Variants in SLC6A15 observed in about 807,000 individuals in gnomAD.
SLC6A15 encodes solute carrier family 6 member 15.
In SLC6A15, 33 loss-of-function variants were observed where a neutral mutation model predicts 68.5. The observed-to-expected ratio is 0.48, with a 90% CI of 0.37 to 0.64. The LOEUF (loss-of-function observed/expected upper bound fraction) is 0.64. Ranked by LOEUF, SLC6A15 falls within the 30% of genes least tolerant of loss-of-function variation. The pLI is 0.00. For missense variants in SLC6A15, 747 were observed against 874.3 expected (o/e 0.85, Z 1.84); for synonymous variants, 347 against 301.0 (o/e 1.15, Z -1.58).
rs183435980 is a variant in SLC6A15, at chr12:84,882,148, A to T, written c.756+1711T>A. 2.5e-5 allele frequency: 25 copies of T among 985,444 alleles called. 1 individual carries two copies. The Admixed American group carries it at 1.2e-3, about 46-fold the overall frequency. 61.0% of individuals were successfully genotyped at this position (985,444 alleles called of 1,614,324 possible). On this transcript the variant is annotated intron_variant, in intron 5 of 11. Transcript: ENST00000266682. ...AGAAGAAACAGAAACAAAACGTGGT[A>T]GTAAGAGAACCTGAGTACAAGAGTT...
At chr12:84,868,030 G>A (rs1394738625) in intron 9 of SLC6A15, among the ~76,000 whole-genome samples, 3 of 152,084 alleles carry the variant, frequency 2.0e-5, no homozygotes, top group Non-Finnish European at 2.9e-5. Context: ...CCACATTTCG[G>A]CAGAGGTGAG....
intron 10 of SLC6A15, among the ~76,000 whole-genome samples, chr12:84,865,635 C>T (rs1422832716): frequency 6.6e-6 from 1 of 152,176 alleles, no homozygotes; most frequent in South Asian, 2.1e-4. Flanking sequence ...TCTGGCCCAA[C>T]CCCTGTTAAC....
chr12:84,896,135 C>G (rs1161552898), intron 1 of SLC6A15, among the ~76,000 whole-genome samples: 1 of 152,146 alleles, frequency 6.6e-6, no homozygotes, highest in Non-Finnish European at 1.5e-5. Flanking sequence ...AACTAAGGAA[C>G]AAGCTATCAC....
chr12:84,910,314 G>T (rs999286352), intron 1 of SLC6A15, among the ~76,000 whole-genome samples: 6 of 151,772 alleles, frequency 4.0e-5, no homozygotes, highest in African/African-American at 1.5e-4. Context: ...AACACAAACT[G>T]AAAGCTTTAT....
chr12:84,885,831 C>A, intron 3 of SLC6A15, 80 bp downstream of exon 3: 3 of 1,384,590 alleles, frequency 2.2e-6, no homozygotes, highest in Non-Finnish European at 2.9e-6. Context: ...AACACACACT[C>A]CAAAGTTTCA....
chr12:84,908,599 AACATATATATATAT>A (rs1873285191), intron 1 of SLC6A15, among the ~76,000 whole-genome samples: 1 of 107,584 alleles, frequency 9.3e-6, no homozygotes, highest in Non-Finnish European at 1.8e-5. Context: ...AGAGTAAAGA[AACATATATATATAT>A]ATATATATAT....
At position 84,860,941 on chromosome 12, in the gene SLC6A15, G is replaced by A. The variant is rs1459290894; in HGVS notation, c.*691C>T. On this transcript the variant is annotated 3_prime_UTR_variant, in exon 12 of 12. Coordinates refer to ENST00000266682, the MANE Select transcript of SLC6A15 (RefSeq NM_182767.6). ...TCTGCATAATTCTTGAGAGTGCTGA[G>A]TAACTCACTCTTAGTTCATTTTCAC... 1 of 152,108 alleles carries A rather than the reference G, an allele frequency of 6.6e-6. No homozygotes were observed. The highest frequency in any genetic ancestry group is 1.5e-5 in the Non-Finnish European group (1 of 68,008). The allele number at this position is 152,108 out of a possible 1,614,324, so 9.4% of individuals were successfully genotyped here. A position where few individuals can be genotyped will look rare whatever the true frequency, so the allele number is the denominator to read the frequency against.
At chr12:84,895,469 C>T (rs1273863668) in intron 1 of SLC6A15, among the ~76,000 whole-genome samples, 4 of 150,026 alleles carry the variant, frequency 2.7e-5, no homozygotes, top group East Asian at 2.0e-4. Context: ...CTGCCTCAGC[C>T]TCTTGGGTAG....
At chr12:84,872,873 G>A (rs1476655667) in intron 7 of SLC6A15, 79 bp from the exon 8 acceptor site, 1 of 1,241,614 alleles carries the variant, frequency 8.1e-7, no homozygotes, top group Non-Finnish European at 1.1e-6. Context: ...GCCATTATAA[G>A]CTAATGAATG....
chr12:84,897,444 C>T lies in SLC6A15; in HGVS notation c.-188-5136G>A, dbSNP rs540653266. ...ACACAATAATACAATTAATAAAACACAAAATACTAAAAGAAAAGCAGAGGT... is the reference window on the plus strand; with the variant it reads ...ACACAATAATACAATTAATAAAACATAAAATACTAAAAGAAAAGCAGAGGT... On this transcript the variant is annotated intron_variant, in intron 1 of 11. Transcript: ENST00000266682. 9.2e-5 allele frequency among the ~76,000 whole-genome samples: 14 copies of T among 152,042 alleles called. No homozygotes were observed. In the South Asian group the frequency reaches 2.9e-3, roughly 32 times the overall value.
At chr12:84,893,492 A>G (rs1327959196) in intron 1 of SLC6A15, among the ~76,000 whole-genome samples, 2 of 152,122 alleles carry the variant, frequency 1.3e-5, no homozygotes, top group African/African-American at 4.8e-5. Context: ...GTAAATATAT[A>G]AGACATGTCT....
intron 5 of SLC6A15, among the ~76,000 whole-genome samples, chr12:84,879,065 C>T (rs997883807): frequency 3.3e-5 from 5 of 151,912 alleles, no homozygotes; most frequent in African/African-American, 1.2e-4. Context: ...CAAGAGTCCA[C>T]AGAGCCTCCA....
At chr12:84,885,885 G>A in intron 3 of SLC6A15, 26 bp downstream of exon 3, 2 of 1,586,470 alleles carry the variant, frequency 1.3e-6, no homozygotes, top group African/African-American at 1.4e-5. Flanking sequence ...AAAGATTACA[G>A]CATACACCAA....
intron 9 of SLC6A15, among the ~76,000 whole-genome samples, chr12:84,869,370 G>A (rs1378254849): frequency 6.6e-6 from 1 of 150,816 alleles, no homozygotes; most frequent in Non-Finnish European, 1.5e-5. Context: ...GCTGAGGCAG[G>A]AGAATGGCGT....
chr12:84,881,987 A>G (rs2120625792), intron 5 of SLC6A15: 1 of 981,148 alleles, frequency 1.0e-6, no homozygotes, highest in East Asian at 1.1e-4. Flanking sequence ...CATTAAAATA[A>G]TAAATGTATG....
intron 9 of SLC6A15, chr12:84,867,726 C>G (rs751428758): frequency 6.6e-6 from 1 of 152,056 alleles, no homozygotes; most frequent in African/African-American, 2.4e-5. Context: ...CCAGACTTAA[C>G]CTCAGCAACA....
intron 5 of SLC6A15, chr12:84,882,598 G>T: frequency 2.6e-6 from 1 of 381,180 alleles, no homozygotes; most frequent in Non-Finnish European, 3.6e-6. Flanking sequence ...CTAGGACGGG[G>T]TGAGACATTA....
chr12:84,881,493 C>A (rs1174184738), intron 5 of SLC6A15: 3 of 985,208 alleles, frequency 3.0e-6, no homozygotes, highest in East Asian at 1.1e-4. Flanking sequence ...TCAGTAAAAT[C>A]CAGTATTGCA....
intron 9 of SLC6A15, chr12:84,867,751 C>A (rs1565720227): frequency 6.6e-6 from 1 of 152,230 alleles, no homozygotes; most frequent in East Asian, 1.9e-4. Context: ...ACATTTATAT[C>A]TTTATCTTGC....
Sources: gnomAD v4.1 joint callset for allele counts (sites outside exome capture counted in the v4.1 genomes callset) on GRCh38, gnomAD v4.1.1 for gene constraint, MANE v1.5 for transcripts, NCBI Gene and HGNC (gene_info 2026-07-23, HGNC 2026-07-21) for gene names.